The following TAFA2 variants were observed in gnomAD, a reference collection of about 807,000 sequenced individuals.
TAFA2 encodes the protein TAFA chemokine like family member 2.
A neutral mutation model predicts 18.8 loss-of-function variants in TAFA2; 7 were observed. That is an observed-to-expected ratio of 0.37 (90% CI 0.21 to 0.70). TAFA2 has a LOEUF of 0.70. Ranked by LOEUF, TAFA2 falls within the 30% of genes least tolerant of loss-of-function variation. TAFA2 has a pLI of 0.53. For synonymous variants in TAFA2, 60 were observed against 54.2 expected (o/e 1.11, Z -0.47); for missense variants, 122 against 158.1 (o/e 0.77, Z 1.23).
chr12:62,152,402 C>A (rs372701372), intron 1 of TAFA2, among the ~76,000 whole-genome samples: 1 of 152,100 alleles, frequency 6.6e-6, no homozygotes. Context: ...AATGACACCA[C>A]GAAAATGTGA....
chr12:61,924,136 GAGAAAGGA>G (rs1427349622), intron 1 of TAFA2, among the ~76,000 whole-genome samples: 5 of 152,098 alleles, frequency 3.3e-5, no homozygotes, highest in Non-Finnish European at 5.9e-5. Context: ...AAGTGACAGG[GAGAAAGGA>G]ACCAAGTTGG....
intron 1 of TAFA2, chr12:62,235,249 T>C (rs1322227559): frequency 3.1e-6 from 2 of 648,948 alleles, no homozygotes; most frequent in African/African-American, 1.8e-5. Context: ...AGTGGCATAC[T>C]GAACTGTGGC....
intron 1 of TAFA2, among the ~76,000 whole-genome samples, chr12:62,171,791 A>G (rs1362927545): frequency 6.6e-6 from 1 of 152,234 alleles, no homozygotes; most frequent in Non-Finnish European, 1.5e-5. Context: ...TAAGACAATA[A>G]TAAATCATCT....
intron 1 of TAFA2, among the ~76,000 whole-genome samples, chr12:62,144,047 TAAAAA>T (rs34514238): frequency 1.3e-5 from 1 of 79,170 alleles, no homozygotes; most frequent in African/African-American, 4.9e-5. Context: ...GACCCTATCT[TAAAAA>T]AAAAAAAAAA....
intron 1 of TAFA2, among the ~76,000 whole-genome samples, chr12:61,984,970 C>T (rs189967582): frequency 3.7e-4 from 57 of 152,310 alleles, no homozygotes; most frequent in Admixed American, 1.3e-4. Context: ...TCTTTGACTA[C>T]ACCTGAAGAA....
chr12:62,042,128 T>C (rs1479220371), intron 1 of TAFA2, among the ~76,000 whole-genome samples: 1 of 152,028 alleles, frequency 6.6e-6, no homozygotes, highest in Non-Finnish European at 1.5e-5. Flanking sequence ...CTCCTTCATA[T>C]CTGAAGGGAA....
chr12:61,828,091 A>C (rs917836437), intron 2 of TAFA2, among the ~76,000 whole-genome samples: 1 of 151,978 alleles, frequency 6.6e-6, no homozygotes, highest in Non-Finnish European at 1.5e-5. Context: ...GGCAACAGAA[A>C]GTTCAATGAT....
chr12:61,955,632 A>AAT lies in TAFA2; in HGVS notation c.-1-88208_-1-88207dup, dbSNP rs775755094. On this transcript the variant is annotated intron_variant, in intron 1 of 4. Transcript: ENST00000416284. The stretch of plus-strand genomic sequence containing the variant: ...AAAAAAAAAAAAAAAAAAAAAAAAA[A>AAT]ATATATATATATATATATATATATA... 1.0e-2 allele frequency among the ~76,000 whole-genome samples: 411 copies of AAT among 41,122 alleles called. 5 individuals are homozygous for AAT. Among genetic ancestry groups the AAT allele is most frequent in the African/African-American group, 0.023 (187 of 7,970 alleles). 27.0% of individuals were successfully genotyped at this position (41,122 alleles called of 152,430 possible).
intron 1 of TAFA2, among the ~76,000 whole-genome samples, chr12:61,890,772 G>A (rs534080326): frequency 2.2e-4 from 34 of 152,128 alleles, no homozygotes; most frequent in African/African-American, 7.2e-4. Flanking sequence ...ACTTCTCCCC[G>A]GGGACAGAGT....
intron 4 of TAFA2, among the ~76,000 whole-genome samples, chr12:61,745,619 T>A (rs1868665493): frequency 1.3e-5 from 2 of 152,140 alleles, no homozygotes; most frequent in South Asian, 4.1e-4. Flanking sequence ...CTTACTTATT[T>A]TGTTTATTTT....
At chr12:62,127,836 G>A (rs992668187) in intron 1 of TAFA2, among the ~76,000 whole-genome samples, 3 of 152,016 alleles carry the variant, frequency 2.0e-5, no homozygotes, top group Non-Finnish European at 4.4e-5. Context: ...TCATACTGCT[G>A]TAAAAATGGA....
chr12:62,138,454 C>A (rs906005024), intron 1 of TAFA2, among the ~76,000 whole-genome samples: 1 of 152,088 alleles, frequency 6.6e-6, no homozygotes, highest in East Asian at 1.9e-4. Flanking sequence ...GTTTCATAAG[C>A]GCAGGAATTG....
At chr12:61,725,265 T>C (rs565279482) in intron 4 of TAFA2, among the ~76,000 whole-genome samples, 1 of 152,236 alleles carries the variant, frequency 6.6e-6, no homozygotes, top group South Asian at 2.1e-4. Flanking sequence ...TTACTTTTGC[T>C]GTGTAGAAGC....
intron 1 of TAFA2, among the ~76,000 whole-genome samples, chr12:62,136,497 T>A (rs1870900505): frequency 6.6e-6 from 1 of 152,132 alleles, no homozygotes; most frequent in South Asian, 2.1e-4. Flanking sequence ...CAGAATATAA[T>A]TTCTCCTAAG....
At chr12:61,920,392 G>A (rs982215961) in intron 1 of TAFA2, among the ~76,000 whole-genome samples, 1 of 152,154 alleles carries the variant, frequency 6.6e-6, no homozygotes, top group Non-Finnish European at 1.5e-5. Flanking sequence ...TCCCAGGGAA[G>A]TTTTAAGGCC....
intron 4 of TAFA2, among the ~76,000 whole-genome samples, chr12:61,732,768 C>CA (rs967037566): frequency 1.3e-5 from 2 of 151,172 alleles, no homozygotes; most frequent in African/African-American, 4.9e-5. Context: ...TGCGTGCGTG[C>CA]ATGTGTTAAG....
chr12:62,090,850 C>T (rs1411586573), intron 1 of TAFA2, among the ~76,000 whole-genome samples: 7 of 151,946 alleles, frequency 4.6e-5, no homozygotes, highest in Admixed American at 4.6e-4. Context: ...TCTGCCAACA[C>T]ATTTCATAAA....
At chr12:62,010,712 T>C (rs1237250639) in intron 1 of TAFA2, among the ~76,000 whole-genome samples, 4 of 135,582 alleles carry the variant, frequency 3.0e-5, no homozygotes, top group Admixed American at 7.4e-5. Context: ...AGTGGGCGCC[T>C]CTGCCCGGCC....
At chr12:61,782,096 TC>T (rs1870529126) in intron 2 of TAFA2, among the ~76,000 whole-genome samples, 1 of 151,540 alleles carries the variant, frequency 6.6e-6, no homozygotes, top group African/African-American at 2.4e-5. Flanking sequence ...AACTATTTGA[TC>T]CCGAAGGTAT....
Sources: gnomAD v4.1 joint callset for allele counts (sites outside exome capture counted in the v4.1 genomes callset) on GRCh38, gnomAD v4.1.1 for gene constraint, MANE v1.5 for transcripts, NCBI Gene and HGNC (gene_info 2026-07-23, HGNC 2026-07-21) for gene names.